The following ZNF385B variants were observed in gnomAD, a reference collection of about 807,000 sequenced individuals.
ZNF385B encodes the protein zinc finger protein 385B, also known as zinc finger protein 533.
A neutral mutation model predicts 39.2 loss-of-function variants in ZNF385B; 23 were observed. The ratio of observed to expected loss-of-function variants is 0.59; its 90% CI spans 0.42 to 0.83. The LOEUF is 0.83. ZNF385B is among the 40% of genes least tolerant of loss of function. The probability of loss-of-function intolerance (pLI) is 0.00; values close to 1 mark genes in which losing one functional copy is unlikely to be tolerated. For missense variants in ZNF385B, 552 were observed against 598.9 expected, an observed-to-expected ratio of 0.92 and a Z score of 0.82; for synonymous variants, 205 against 222.6, an observed-to-expected ratio of 0.92 and a Z score of 0.70.
intron 3 of ZNF385B, among the ~76,000 whole-genome samples, chr2:179,647,460 G>A (rs1356115230): frequency 6.6e-6 from 1 of 151,998 alleles, no homozygotes; most frequent in Non-Finnish European, 1.5e-5. Context: ...CTGAGTCCTG[G>A]TCCTGAGTCT....
intron 3 of ZNF385B, among the ~76,000 whole-genome samples, chr2:179,622,376 T>C (rs1228213877): frequency 2.0e-5 from 3 of 152,172 alleles, no homozygotes; most frequent in Non-Finnish European, 4.4e-5. Flanking sequence ...TCTTCAAGGA[T>C]AATGCAGAAA....
intron 3 of ZNF385B, among the ~76,000 whole-genome samples, chr2:179,713,848 G>A (rs1700157448): frequency 6.6e-6 from 1 of 152,102 alleles, no homozygotes; most frequent in Non-Finnish European, 1.5e-5. Context: ...CTTTATATTG[G>A]TCCACTCACA....
rs532714410 is a variant in ZNF385B, at chr2:179,726,706, G to A, written c.298+42797C>T. On this transcript the variant is annotated intron_variant, in intron 3 of 9. Transcript: ENST00000410066. ...AACACACAAGTAGTCAAAAAATTGTGGGCTACTTCTGTTTAATAAATAACT... is the reference window on the plus strand; with the variant it reads ...AACACACAAGTAGTCAAAAAATTGTAGGCTACTTCTGTTTAATAAATAACT... Among the ~76,000 whole-genome samples the A allele has an allele frequency of 1.1e-4, 17 of 152,000 alleles. No individual in the cohort carries two copies. The South Asian group carries it at 2.1e-3, about 19-fold the overall frequency.
chr2:179,474,772 C>CA, intron 6 of ZNF385B, among the ~76,000 whole-genome samples: 1 of 151,504 alleles, frequency 6.6e-6, no homozygotes, highest in East Asian at 1.9e-4. Context: ...TCATCTTTTG[C>CA]AAAAAACAGA....
chr2:179,520,213 C>A (rs1221283134), intron 4 of ZNF385B, among the ~76,000 whole-genome samples: 2 of 151,692 alleles, frequency 1.3e-5, no homozygotes, highest in African/African-American at 4.8e-5. Flanking sequence ...GGAGAGATAG[C>A]CTAACTATAA....
Position 179,524,551 on chromosome 2 carries a change from C to CAAAAAAAAGAAAAAA in ZNF385B, c.442-5914_442-5913insTTTTTTCTTTTTTTT, listed in dbSNP as rs1300764305. 4.3e-4 allele frequency among the ~76,000 whole-genome samples: 26 copies of CAAAAAAAAGAAAAAA among 60,970 alleles called. 2 individuals are homozygous for CAAAAAAAAGAAAAAA. Among genetic ancestry groups the CAAAAAAAAGAAAAAA allele is most frequent in the Non-Finnish European group, 5.6e-4 (21 of 37,646 alleles). The allele number at this position is 60,970 out of a possible 152,430, so 40.0% of individuals were successfully genotyped here. On this transcript the variant is annotated intron_variant, in intron 4 of 9. Coordinates refer to ENST00000410066, the MANE Select transcript of ZNF385B (RefSeq NM_152520.6). ...TGGGTGACAGAGCGAGACTCCGTCT[C>CAAAAAAAAGAAAAAA]AAAAAAAAAAAAAAAAAAAAAAAAA...
At chr2:179,720,874 C>T (rs1178317149) in intron 3 of ZNF385B, among the ~76,000 whole-genome samples, 2 of 151,218 alleles carry the variant, frequency 1.3e-5, no homozygotes, top group East Asian at 1.9e-4. Context: ...ATACTCCTGC[C>T]TCAGCCTCCC....
At chr2:179,678,332 C>T (rs1477212047) in intron 3 of ZNF385B, among the ~76,000 whole-genome samples, 1 of 152,206 alleles carries the variant, frequency 6.6e-6, no homozygotes, top group Non-Finnish European at 1.5e-5. Flanking sequence ...TAGTTAGGTG[C>T]ATGGCTACCT....
chr2:179,504,009 A>G (rs2105742093), intron 5 of ZNF385B, among the ~76,000 whole-genome samples: 1 of 149,074 alleles, frequency 6.7e-6, no homozygotes, highest in East Asian at 2.1e-4. Flanking sequence ...TATATCTCCC[A>G]GTGCTATCCC....
At chr2:179,706,596 G>C (rs778009439) in intron 3 of ZNF385B, among the ~76,000 whole-genome samples, 2 of 152,158 alleles carry the variant, frequency 1.3e-5, no homozygotes, top group Non-Finnish European at 2.9e-5. Context: ...TGCTGTCCTT[G>C]ATGGTTGGTT....
At chr2:179,772,364 T>C (rs1704061128) in intron 1 of ZNF385B, among the ~76,000 whole-genome samples, 1 of 152,168 alleles carries the variant, frequency 6.6e-6, no homozygotes, top group Non-Finnish European at 1.5e-5. Flanking sequence ...ACCGCATTCA[T>C]GGGCCACTCT....
intron 3 of ZNF385B, among the ~76,000 whole-genome samples, chr2:179,555,470 G>T (rs2060846550): frequency 6.7e-6 from 1 of 149,342 alleles, no homozygotes. Context: ...ACACTTATGT[G>T]CACTTTTCTG....
At chr2:179,454,324 C>G (rs1389843485) in intron 6 of ZNF385B, among the ~76,000 whole-genome samples, 1 of 152,156 alleles carries the variant, frequency 6.6e-6, no homozygotes, top group Non-Finnish European at 1.5e-5. Flanking sequence ...ACACATTACT[C>G]ATGTGCTTAT....
chr2:179,838,173 T>C (rs1708353909), intron 1 of ZNF385B, among the ~76,000 whole-genome samples: 1 of 152,228 alleles, frequency 6.6e-6, no homozygotes, highest in African/African-American at 2.4e-5. Context: ...TCCAATGCTG[T>C]GCTTGTTTTT....
At chr2:179,593,062 T>C (rs913057842) in intron 3 of ZNF385B, among the ~76,000 whole-genome samples, 5 of 152,282 alleles carry the variant, frequency 3.3e-5, no homozygotes, top group Admixed American at 1.3e-4. Flanking sequence ...CAGGATTGAA[T>C]AGAATTTTCC....
intron 3 of ZNF385B, among the ~76,000 whole-genome samples, chr2:179,581,270 T>G (rs10191369): frequency 2.0e-5 from 3 of 152,042 alleles, no homozygotes; most frequent in African/African-American, 7.3e-5. Context: ...TTACCAAGCA[T>G]GGTTCCTTCT....
chr2:179,483,518 T>A, intron 5 of ZNF385B, 84 bp from the exon 6 acceptor site: 1 of 1,558,452 alleles, frequency 6.4e-7, no homozygotes, highest in Non-Finnish European at 8.8e-7. Flanking sequence ...AAATACATTC[T>A]ATCATAGGCA....
At chr2:179,615,236 A>G (rs1689634936) in intron 3 of ZNF385B, among the ~76,000 whole-genome samples, 1 of 152,234 alleles carries the variant, frequency 6.6e-6, no homozygotes. Flanking sequence ...GATGGCATCA[A>G]GGTCAGGATC....
chr2:179,459,397 T>A (rs1253559554), intron 6 of ZNF385B, among the ~76,000 whole-genome samples: 1 of 152,148 alleles, frequency 6.6e-6, no homozygotes, highest in Non-Finnish European at 1.5e-5. Flanking sequence ...ATATATGAAA[T>A]TAATATCATT....
Sources: allele counts gnomAD v4.1 joint callset (sites outside exome capture counted in the v4.1 genomes callset), GRCh38; gene constraint gnomAD v4.1.1; transcripts MANE v1.5; gene names NCBI Gene and HGNC (gene_info 2026-07-23, HGNC 2026-07-21).